PRSS27: variants seen among roughly 807,000 people sequenced by gnomAD.
The protein encoded by PRSS27 is serine protease 27.
A neutral mutation model predicts 32.0 loss-of-function variants in PRSS27; 25 were observed. The ratio of observed to expected loss-of-function variants is 0.78; its 90% confidence interval spans 0.57 to 1.09. PRSS27 has a LOEUF of 1.09. Among genes scored for constraint, PRSS27 ranks in the 50% least tolerant of loss-of-function variants. PRSS27 has a pLI of 0.00. For synonymous variants in PRSS27, 178 were observed against 172.2 expected, an observed-to-expected ratio of 1.03 and a Z score of -0.26; for missense variants, 401 against 394.9, an observed-to-expected ratio of 1.02 and a Z score of -0.13.
At chr16:2,718,546 T>A (rs1168738239) in intron 1 of PRSS27, 1 of 152,160 alleles carries the variant, frequency 6.6e-6, no homozygotes, top group Non-Finnish European at 1.5e-5. Context: ...CTCGATCTCC[T>A]GGCCCCGTGA....
chr16:2,720,066 A>G (rs1030473331), intron 1 of PRSS27, 49 bp downstream of exon 1: 3 of 1,510,072 alleles, frequency 2.0e-6, no homozygotes, highest in African/African-American at 1.4e-5. Flanking sequence ...AGTGCAGCGG[A>G]GCCTGGTGGG....
At chr16:2,715,511 T>C (rs1024195423) in intron 3 of PRSS27, 40 of 512,432 alleles carry the variant, frequency 7.8e-5, no homozygotes, top group Non-Finnish European at 1.3e-4. Flanking sequence ...GCGAGGCACC[T>C]CCCGCGGGCG....
intron 2 of PRSS27, chr16:2,716,110 G>T: frequency 1.9e-6 from 1 of 527,404 alleles, no homozygotes; most frequent in Non-Finnish European, 3.3e-6. Context: ...CCTAACACCT[G>T]CCTCTTGGGG....
intron 2 of PRSS27, chr16:2,716,217 CA>C: frequency 1.7e-6 from 1 of 576,476 alleles, no homozygotes; most frequent in Non-Finnish European, 3.1e-6. Context: ...AAGCCCTCTG[CA>C]AGGGAGCCAC....
chr16:2,716,431 G>T, intron 2 of PRSS27, 69 bp downstream of exon 2: 2 of 1,428,874 alleles, frequency 1.4e-6, no homozygotes, highest in Non-Finnish European at 9.7e-7. Context: ...AATTCCCTCT[G>T]GCCATGAGTG....
In PRSS27 at chr16:2,716,544, G is replaced by T. The variant is rs1184074608; in HGVS notation, c.47-18C>A. On this transcript the variant is annotated intron_variant, in intron 1 of 5. Coordinates refer to ENST00000302641, the MANE Select transcript of PRSS27 (RefSeq NM_031948.5). ...CTGAGACCCTGGAAGTGAGGAGAGG[G>T]TGATCAGCCAGGCCAGCTGCAGCCT... 1.3e-6 allele frequency: 2 copies of T among 1,595,496 alleles called. No homozygotes were observed. Among genetic ancestry groups the T allele is most frequent in the South Asian group, 2.3e-5 (2 of 88,482 alleles).
In PRSS27 at chr16:2,712,635, C is replaced by T. The variant is rs1197933253; in HGVS notation, c.858G>A (p.Leu286=). The change falls in exon 6 of 6, where the codon TTG becomes TTA. Residue 286 remains leucine, a synonymous_variant. Coordinates refer to ENST00000302641, the MANE Select transcript of PRSS27 (RefSeq NM_031948.5). This position sits in a 1 kb window ranked among gnomAD's most constrained non-coding sequence, Gnocchi z 4.6. ...CCCGGGGGTCTCACTTCTGGCCGCC[C>T]AACCTCGCTGGCTGGAACTGCAGTT... The part of the protein sequence containing the change: ...IPKLQFQPAR[L]GGQK 6.3e-7 allele frequency: 1 copy of T among 1,587,398 alleles called. No individual in the cohort carries two copies. Among genetic ancestry groups the T allele is most frequent in the South Asian group, 1.2e-5 (1 of 86,956 alleles).
intron 4 of PRSS27, 101 bp from the exon 5 acceptor site, chr16:2,713,799 T>G: frequency 7.4e-7 from 1 of 1,349,952 alleles, no homozygotes; most frequent in Non-Finnish European, 1.0e-6. Context: ...TTCCTCATGT[T>G]TAGACCATCT....
At chr16:2,716,091 G>A in intron 2 of PRSS27, 12 of 521,360 alleles carry the variant, frequency 2.3e-5, no homozygotes. Context: ...TCCTCGCCGA[G>A]AAAGGCAACC....
chr16:2,719,278 G>C (rs943616432), intron 1 of PRSS27, among the ~76,000 whole-genome samples: 2 of 152,170 alleles, frequency 1.3e-5, no homozygotes, highest in Non-Finnish European at 2.9e-5. Context: ...GGCATGGGGT[G>C]GGGGAGGCCG....
chr16:2,715,428 CCGGGCCGCTTCTGCAGGGA>C, intron 3 of PRSS27: 2 of 378,852 alleles, frequency 5.3e-6, no homozygotes, highest in South Asian at 8.5e-5. Context: ...GCAGAGCCTG[CCGGGCCGCTTCTGCAGGGA>C]CCCACAGGGA....
chr16:2,712,725 C>A lies in PRSS27; in HGVS notation c.768G>T (p.Gln256His), dbSNP rs1360107863. 6.3e-7 allele frequency: 1 copy of A among 1,589,494 alleles called. No individual in the cohort carries two copies. The highest frequency in any genetic ancestry group is 1.1e-5 in the South Asian group (1 of 87,674). The change falls in exon 6 of 6, where the codon CAG becomes CAT. Residue 256 changes from glutamine (Q) to histidine (H), a missense_variant. Coordinates refer to ENST00000302641, the MANE Select transcript of PRSS27 (RefSeq NM_031948.5). The surrounding 1 kb of genome is among the most constrained non-coding windows in gnomAD (Gnocchi z 4.6). ...CACGGATGTAGACACCTGGGCGGTT[C>A]TGGCGGGCACAGCCCTCACCCCAGC... ...VISWGEGCAR[Q>H]NRPGVYIRVT...
chr16:2,713,594 G>A lies in PRSS27; in HGVS notation c.613C>T (p.Pro205Ser). 1 of 1,614,230 alleles carries A rather than the reference G, an allele frequency of 6.2e-7. No homozygotes were observed. The highest frequency in any genetic ancestry group is 8.5e-7 in the Non-Finnish European group (1 of 1,180,044). ...AGCATGTCATTCTTGATGGTTTTGG[G>A]TTGGTAGCCAAACTCGGTGTCTTTG... ...YSKDTEFGYQPKTIKNDMLCA... is the reference protein window; with the variant it reads ...YSKDTEFGYQSKTIKNDMLCA... The change falls in exon 5 of 6, where the codon CCC becomes TCC. Residue 205 changes from proline (P) to serine (S), a missense_variant. Transcript: ENST00000302641.
intron 2 of PRSS27, 85 bp downstream of exon 2, chr16:2,716,415 G>T (rs1000287616): frequency 1.5e-6 from 2 of 1,291,954 alleles, no homozygotes; most frequent in Non-Finnish European, 2.2e-6. Flanking sequence ...TGTCCTGTGC[G>T]TTCCAAATTC....
chr16:2,718,734 T>C (rs1173849956), intron 1 of PRSS27, among the ~76,000 whole-genome samples: 1 of 152,202 alleles, frequency 6.6e-6, no homozygotes, highest in African/African-American at 2.4e-5. Flanking sequence ...TTGAGCTCTC[T>C]GTCCTGATGG....
In PRSS27 at chr16:2,712,933, C is replaced by T. The variant is rs1272660748; in HGVS notation, c.679-119G>A. The T allele has an allele frequency of 1.2e-6, 1 of 809,408 alleles. No homozygotes were observed. Among genetic ancestry groups the T allele is most frequent in the African/African-American group, 1.7e-5 (1 of 57,620 alleles). 50.1% of individuals were successfully genotyped at this position (809,408 alleles called of 1,614,324 possible). A position where few individuals can be genotyped will look rare whatever the true frequency, so the allele number is the denominator to read the frequency against. ...TCCTTCTCTCCATCCCAGAGCCTCT[C>T]TGCCCGGCTCCCCATCCCCTGCCAG... On this transcript the variant is annotated intron_variant, in intron 5 of 5. Transcript: ENST00000302641. This position sits in a 1 kb window ranked among gnomAD's most constrained non-coding sequence, Gnocchi z 4.6.
In PRSS27 at chr16:2,714,473, C is replaced by T. The variant is rs528817735; in HGVS notation, c.237-137G>A. On this transcript the variant is annotated intron_variant, in intron 3 of 5. Coordinates refer to ENST00000302641, the MANE Select transcript of PRSS27 (RefSeq NM_031948.5). This position sits in a 1 kb window ranked among gnomAD's most constrained non-coding sequence, Gnocchi z 4.7. ...ATGTCTTCGAGAGTCATCTCTAGGA[C>T]AGCCAGGTGCAGCGGTGATGCGTGT... The T allele has an allele frequency of 3.1e-6, 3 of 960,812 alleles. No individual in the cohort carries two copies. The highest frequency in any genetic ancestry group is 3.2e-5 in the African/African-American group (2 of 61,842). 59.5% of individuals were successfully genotyped at this position (960,812 alleles called of 1,614,324 possible).
chr16:2,714,915 G>A lies in PRSS27; in HGVS notation c.237-579C>T. 1 of 154,168 alleles carries A rather than the reference G, an allele frequency of 6.5e-6. No homozygotes were observed. Among genetic ancestry groups the A allele is most frequent in the African/African-American group, 2.4e-5 (1 of 41,482 alleles). The allele number at this position is 154,168 out of a possible 1,614,324, so 9.6% of individuals were successfully genotyped here. A position where few individuals can be genotyped will look rare whatever the true frequency, so the allele number is the denominator to read the frequency against. ...GCACCTGGGGTTTTTTTGTTTGTTT[G>A]TTTTTTGTTTTTTAATTTTTTTTTA... On this transcript the variant is annotated intron_variant, in intron 3 of 5. Transcript: ENST00000302641. This position sits in a 1 kb window ranked among gnomAD's most constrained non-coding sequence, Gnocchi z 4.7.
intron 5 of PRSS27, chr16:2,713,040 G>A: frequency 1.8e-6 from 1 of 547,178 alleles, no homozygotes. Flanking sequence ...AGTTTCTTGT[G>A]CCCCACCCCA....
Sources: allele counts gnomAD v4.1 joint callset (sites outside exome capture counted in the v4.1 genomes callset), GRCh38; gene constraint gnomAD v4.1.1; non-coding constraint Gnocchi (gnomAD v3.1); transcripts MANE v1.5; gene names NCBI Gene and HGNC (gene_info 2026-07-23, HGNC 2026-07-21).